Variants in BTNL3 observed in about 807,000 individuals in gnomAD.
The protein encoded by BTNL3 is butyrophilin like 3.
A neutral mutation model predicts 40.1 loss-of-function variants in BTNL3; 20 were observed. The observed-to-expected ratio is 0.50, with a 90% CI of 0.35 to 0.72. The LOEUF is 0.72. Ranked by LOEUF, BTNL3 falls within the 30% of genes least tolerant of loss-of-function variation. BTNL3 has a pLI of 0.01. For missense variants in BTNL3, 449 were observed against 582.2 expected, an observed-to-expected ratio of 0.77 and a Z score of 2.35; for synonymous variants, 179 against 222.1, an observed-to-expected ratio of 0.81 and a Z score of 1.73.
In BTNL3 at chr5:180,997,368, G is replaced by A; in HGVS notation, c.553G>A (p.Gly185Arg). The change falls in exon 3 of 8, where the codon GGG becomes AGG. Residue 185 changes from glycine (G) to arginine (R), a missense_variant. Gly to Arg is a moderately radical substitution (Grantham distance 125, BLOSUM62 -2). Transcript: ENST00000342868. ...TTCAGACTCCAGAGCAAATGCAGAT[G>A]GGTACAGCCTGTATGATGTGGAGAT... ...LSSDSRANAD[G>R]YSLYDVEISI... 2 of 1,464,182 alleles carry A rather than the reference G, an allele frequency of 1.4e-6. No individual in the cohort carries two copies. The highest frequency in any genetic ancestry group is 9.4e-7 in the Non-Finnish European group (1 of 1,059,212). The allele number at this position is 1,464,182 out of a possible 1,614,324, so 90.7% of individuals were successfully genotyped here.
chr5:180,999,806 T>G (rs1056203500), intron 3 of BTNL3, among the ~76,000 whole-genome samples: 7 of 135,458 alleles, frequency 5.2e-5, no homozygotes, highest in African/African-American at 1.8e-4. Flanking sequence ...TCTCAAAAAT[T>G]TTTAAAAAAG....
chr5:180,989,930 T>C lies in BTNL3; in HGVS notation c.49+853T>C, dbSNP rs570301085. 2.9e-5 allele frequency among the ~76,000 whole-genome samples: 4 copies of C among 136,146 alleles called. 2 individuals are homozygous for C. In the East Asian group the frequency reaches 8.7e-4, roughly 30 times the overall value. 89.3% of individuals were successfully genotyped at this position (136,146 alleles called of 152,430 possible). Reference sequence around the variant, plus strand: ...ATCCCAGCACTTTGGGAGGCTGAGGTGGGTGGATCACCTGAGGTCAGGAGT... The same window carrying C: ...ATCCCAGCACTTTGGGAGGCTGAGGCGGGTGGATCACCTGAGGTCAGGAGT... On this transcript the variant is annotated intron_variant, in intron 1 of 7. Coordinates refer to ENST00000342868, the MANE Select transcript of BTNL3 (RefSeq NM_197975.3).
Position 181,004,407 on chromosome 5 carries a change from T to C in BTNL3, c.809-10T>C. On this transcript the variant is annotated splice_polypyrimidine_tract_variant and intron_variant, in intron 5 of 7. Transcript: ENST00000342868. ...CTTACATGTTTTTTGTTTTTGTTTTTGTTTTTCAGACTGGAGAAGAAAGCA... is the reference window on the plus strand; with the variant it reads ...CTTACATGTTTTTTGTTTTTGTTTTCGTTTTTCAGACTGGAGAAGAAAGCA... 1 of 1,206,464 alleles carries C rather than the reference T, an allele frequency of 8.3e-7. No individual in the cohort carries two copies. The highest frequency in any genetic ancestry group is 1.4e-5 in the South Asian group (1 of 70,594). 74.7% of individuals were successfully genotyped at this position (1,206,464 alleles called of 1,614,324 possible).
chr5:180,994,926 C>A (rs145198465), intron 2 of BTNL3, among the ~76,000 whole-genome samples: 2,738 of 135,226 alleles, frequency 0.02, 357 homozygotes, highest in African/African-American at 0.065. Context: ...GCTGGAACTA[C>A]AGGCACCTGC....
rs1491296048 is a variant in BTNL3, at chr5:181,002,367, C to CGT, written c.674-296_674-295dup. ...ATAGACACACACACACACACACACA[C>CGT]GTGTGTGTGTATATATATATATATA... On this transcript the variant is annotated intron_variant, in intron 3 of 7. Transcript: ENST00000342868. Among the ~76,000 whole-genome samples, 29 of 27,386 alleles carry CGT rather than the reference C, an allele frequency of 1.1e-3. 2 individuals carry two copies. Among genetic ancestry groups the CGT allele is most frequent in the African/African-American group, 2.3e-3 (29 of 12,818 alleles). The allele number at this position is 27,386 out of a possible 152,430, so 18.0% of individuals were successfully genotyped here. A position where few individuals can be genotyped will look rare whatever the true frequency, so the allele number is the denominator to read the frequency against.
chr5:181,005,194 G>T, intron 7 of BTNL3, 140 bp from the exon 8 acceptor site: 1 of 1,442,850 alleles, frequency 6.9e-7, no homozygotes, highest in Non-Finnish European at 9.4e-7. Context: ...CTGCCCTGGA[G>T]AAGGTACATG....
chr5:180,999,076 G>A (rs11955097), intron 3 of BTNL3, among the ~76,000 whole-genome samples: 2,197 of 136,504 alleles, frequency 0.016, 293 homozygotes, highest in African/African-American at 0.052. Flanking sequence ...GCGGTGAGCC[G>A]AGATCATGCC....
At chr5:181,001,922 G>A in intron 3 of BTNL3, among the ~76,000 whole-genome samples, 1 of 130,926 alleles carries the variant, frequency 7.6e-6, no homozygotes, top group African/African-American at 2.6e-5. Context: ...AAAAAAAAAA[G>A]AAATCCTCCC....
chr5:181,002,270 C>T (rs1406511618), intron 3 of BTNL3, among the ~76,000 whole-genome samples: 2 of 127,460 alleles, frequency 1.6e-5, no homozygotes, highest in African/African-American at 5.3e-5. Flanking sequence ...GCAAGGTCCA[C>T]TCAACAAACA....
intron 3 of BTNL3, among the ~76,000 whole-genome samples, chr5:180,997,800 C>G (rs1252626781): frequency 6.6e-5 from 9 of 137,054 alleles, no homozygotes; most frequent in African/African-American, 1.8e-4. Context: ...ATAATTGTTT[C>G]TTCATTTTTA....
intron 7 of BTNL3, 121 bp from the exon 8 acceptor site, chr5:181,005,213 G>A (rs956671652): frequency 1.1e-5 from 16 of 1,523,566 alleles, no homozygotes; most frequent in Non-Finnish European, 1.3e-5. Context: ...TGGCTGGTGG[G>A]ATAGTGGGAC....
chr5:181,001,291 C>T (rs1429728927), intron 3 of BTNL3, among the ~76,000 whole-genome samples: 1 of 135,698 alleles, frequency 7.4e-6, no homozygotes, highest in African/African-American at 2.5e-5. Flanking sequence ...ATAGAAAAAT[C>T]TCAGCACATT....
Position 181,004,005 on chromosome 5 carries a change from G to A in BTNL3, c.808+129G>A, listed in dbSNP as rs1246036201. On this transcript the variant is annotated intron_variant, in intron 5 of 7. Transcript: ENST00000342868. ...CACCGGCAGGTGGAGGGGAGCAGCT[G>A]CTCACTCTCTCCATCCACTGCTCAT... 17 of 1,507,480 alleles carry A rather than the reference G, an allele frequency of 1.1e-5. 2 individuals are homozygous for A. Among genetic ancestry groups the A allele is most frequent in the Admixed American group, 1.8e-5 (1 of 56,128 alleles). The allele number at this position is 1,507,480 out of a possible 1,614,324, so 93.4% of individuals were successfully genotyped here.
At chr5:181,004,843 G>C in intron 7 of BTNL3, 81 bp downstream of exon 7, 1 of 1,613,438 alleles carries the variant, frequency 6.2e-7, no homozygotes. Context: ...CCAGCTTGTA[G>C]ACAGCAAATC....
At chr5:181,002,377 T>A (rs1264189445) in intron 3 of BTNL3, among the ~76,000 whole-genome samples, 1 of 3,966 alleles carries the variant, frequency 2.5e-4, no homozygotes, top group Non-Finnish European at 2.9e-3. Flanking sequence ...CGTGTGTGTG[T>A]ATATATATAT....
Position 180,998,889 on chromosome 5 carries a change from G to A in BTNL3, c.673+1401G>A. Among the ~76,000 whole-genome samples, 2 of 137,278 alleles carry A rather than the reference G, an allele frequency of 1.5e-5. 1 individual carries two copies. The allele number at this position is 137,278 out of a possible 152,430, so 90.1% of individuals were successfully genotyped here. ...CGCCTGTAATCCCAGCACTTTGGAAGGCCAAGACAGGCGGATCACCTGAGG... is the reference window on the plus strand; with the variant it reads ...CGCCTGTAATCCCAGCACTTTGGAAAGCCAAGACAGGCGGATCACCTGAGG... On this transcript the variant is annotated intron_variant, in intron 3 of 7. Transcript: ENST00000342868.
intron 3 of BTNL3, among the ~76,000 whole-genome samples, chr5:181,000,926 G>C (rs1334848232): frequency 7.3e-6 from 1 of 136,450 alleles, no homozygotes; most frequent in African/African-American, 2.5e-5. Flanking sequence ...GTTACTATTA[G>C]CAGCCACTTC....
intron 3 of BTNL3, among the ~76,000 whole-genome samples, chr5:181,001,808 G>A (rs1206466072): frequency 7.5e-6 from 1 of 134,024 alleles, no homozygotes; most frequent in Non-Finnish European, 1.7e-5. Context: ...TCGCGCCACT[G>A]CACTCCTCCC....
Position 181,004,701 on chromosome 5 carries a change from G to T in BTNL3, c.836-35G>T, listed in dbSNP as rs765357378. On this transcript the variant is annotated intron_variant, in intron 6 of 7. Coordinates refer to ENST00000342868, the MANE Select transcript of BTNL3 (RefSeq NM_197975.3). Reference sequence around the variant, plus strand: ...TCCCTGCGCCCTGTTTCCCACGTGAGCACGGAACTGCCTGCTCTCTCTGCT... The same window carrying T: ...TCCCTGCGCCCTGTTTCCCACGTGATCACGGAACTGCCTGCTCTCTCTGCT... The T allele has an allele frequency of 3.1e-6, 5 of 1,614,152 alleles. No individual in the cohort carries two copies. The South Asian group carries it at 4.4e-5, about 14-fold the overall frequency.
Sources: gnomAD v4.1 joint callset for allele counts (sites outside exome capture counted in the v4.1 genomes callset) on GRCh38, gnomAD v4.1.1 for gene constraint, MANE v1.5 for transcripts, NCBI Gene and HGNC (gene_info 2026-07-23, HGNC 2026-07-21) for gene names.